The following GPD1L variants were observed in gnomAD, a reference collection of about 807,000 sequenced individuals.
The protein encoded by GPD1L is glycerol-3-phosphate dehydrogenase 1-like protein.
A neutral mutation model predicts 32.9 loss-of-function variants in GPD1L; 17 were observed. That is an observed-to-expected ratio of 0.52 (90% confidence interval 0.35 to 0.78). GPD1L has a LOEUF of 0.78. GPD1L is among the 30% of genes least tolerant of loss of function. The pLI is 0.01. For missense variants in GPD1L, 361 were observed against 447.8 expected (o/e 0.81, Z 1.75); for synonymous variants, 187 against 165.9 (o/e 1.13, Z -0.98).
At chr3:32,139,736 A>C (rs1700712341) in intron 3 of GPD1L, among the ~76,000 whole-genome samples, 1 of 152,256 alleles carries the variant, frequency 6.6e-6, no homozygotes, top group East Asian at 1.9e-4. Flanking sequence ...GTAAGTGAAC[A>C]GAAACGAACC....
intron 5 of GPD1L, among the ~76,000 whole-genome samples, chr3:32,150,519 G>C (rs1380221910): frequency 4.0e-5 from 6 of 148,914 alleles, no homozygotes; most frequent in Non-Finnish European, 1.5e-5. Flanking sequence ...TTTTGAGACA[G>C]AGTCTTGCCC....
At position 32,162,393 on chromosome 3, in the gene GPD1L, T is replaced by TG. The variant is rs1343059802; in HGVS notation, c.959+2719_959+2720insG. Among the ~76,000 whole-genome samples the TG allele has an allele frequency of 2.9e-4, 17 of 57,658 alleles. 4 individuals are homozygous for TG. Among genetic ancestry groups the TG allele is most frequent in the Admixed American group, 1.7e-3 (12 of 7,024 alleles). 37.8% of individuals were successfully genotyped at this position (57,658 alleles called of 152,430 possible). Reference sequence around the variant, plus strand: ...TACCTTAATTACCTTTTCTTTTTTTTTTTGAGACGGAGTCTCGCTCTGTCG... The same window carrying TG: ...TACCTTAATTACCTTTTCTTTTTTTTGTTTGAGACGGAGTCTCGCTCTGTCG... On this transcript the variant is annotated intron_variant, in intron 7 of 7. Coordinates refer to ENST00000282541, the MANE Select transcript of GPD1L (RefSeq NM_015141.4).
intron 7 of GPD1L, among the ~76,000 whole-genome samples, chr3:32,163,687 T>C (rs1479010392): frequency 6.6e-6 from 1 of 152,242 alleles, no homozygotes; most frequent in Non-Finnish European, 1.5e-5. Flanking sequence ...GACAATATTT[T>C]CTACCTCATG....
chr3:32,128,939 G>A (rs1407157677), intron 2 of GPD1L, among the ~76,000 whole-genome samples: 1 of 152,168 alleles, frequency 6.6e-6, no homozygotes, highest in Middle Eastern at 3.2e-3. Context: ...GAAGAAAATG[G>A]GAAAATGTAA....
chr3:32,126,851 T>C (rs1386225283), intron 1 of GPD1L, among the ~76,000 whole-genome samples: 1 of 152,156 alleles, frequency 6.6e-6, no homozygotes, highest in Non-Finnish European at 1.5e-5. Context: ...GCCAGTTCCG[T>C]TGGCCTGGGG....
intron 1 of GPD1L, among the ~76,000 whole-genome samples, chr3:32,123,053 G>A (rs758436433): frequency 5.9e-5 from 9 of 152,000 alleles, no homozygotes; most frequent in Non-Finnish European, 1.2e-4. Context: ...TACAGGTGCA[G>A]CCGCCATGCC....
chr3:32,112,779 C>A (rs1700270881), intron 1 of GPD1L, among the ~76,000 whole-genome samples: 1 of 152,150 alleles, frequency 6.6e-6, no homozygotes, highest in Admixed American at 6.5e-5. Context: ...CCTTAAGAGG[C>A]ATAAATATAA....
At chr3:32,110,294 T>C (rs916707186) in intron 1 of GPD1L, among the ~76,000 whole-genome samples, 1 of 152,242 alleles carries the variant, frequency 6.6e-6, no homozygotes, top group Admixed American at 6.5e-5. Flanking sequence ...TGCTTAATCA[T>C]ATCCCCTGAG....
intron 2 of GPD1L, among the ~76,000 whole-genome samples, chr3:32,131,871 C>T (rs1474070829): frequency 6.6e-6 from 1 of 152,172 alleles, no homozygotes; most frequent in Non-Finnish European, 1.5e-5. Flanking sequence ...GTGAATGTTC[C>T]AGTTTCTTCA....
At chr3:32,122,827 C>T (rs559946150) in intron 1 of GPD1L, among the ~76,000 whole-genome samples, 1 of 152,204 alleles carries the variant, frequency 6.6e-6, no homozygotes, top group South Asian at 2.1e-4. Context: ...ATGCAGGCAG[C>T]ACCCTTATGG....
chr3:32,130,768 T>G (rs540314928), intron 2 of GPD1L, among the ~76,000 whole-genome samples: 2 of 151,740 alleles, frequency 1.3e-5, no homozygotes, highest in Non-Finnish European at 2.9e-5. Context: ...ATCCCAGCAC[T>G]TTGGGAGGCT....
At chr3:32,130,231 G>GCAC (rs1700566107) in intron 2 of GPD1L, among the ~76,000 whole-genome samples, 1 of 152,130 alleles carries the variant, frequency 6.6e-6, no homozygotes, top group Non-Finnish European at 1.5e-5. Flanking sequence ...GTCACTGGGT[G>GCAC]TGGACAGAGG....
At chr3:32,133,159 C>T (rs1199985915) in intron 2 of GPD1L, among the ~76,000 whole-genome samples, 1 of 152,186 alleles carries the variant, frequency 6.6e-6, no homozygotes, top group African/African-American at 2.4e-5. Flanking sequence ...AGCCCGGCCA[C>T]GATGCTCCGT....
At chr3:32,159,508 A>C in intron 6 of GPD1L, 60 bp from the exon 7 acceptor site, 3 of 1,026,328 alleles carry the variant, frequency 2.9e-6, no homozygotes, top group Non-Finnish European at 4.4e-6. Context: ...AATTAAACAA[A>C]TAAATGATTC....
Position 32,168,372 on chromosome 3 carries a change from A to G in GPD1L, c.*2462A>G, listed in dbSNP as rs1701178349. On this transcript the variant is annotated 3_prime_UTR_variant, in exon 8 of 8. Transcript: ENST00000282541. Reference sequence around the variant, plus strand: ...CACCTAGATTAGCAGCTCAATTTGTACTACTTCAGCCAATCTGTGAATGTA... The same window carrying G: ...CACCTAGATTAGCAGCTCAATTTGTGCTACTTCAGCCAATCTGTGAATGTA... 6.5e-6 allele frequency: 1 copy of G among 152,686 alleles called. No homozygotes were observed. Among genetic ancestry groups the G allele is most frequent in the Non-Finnish European group, 1.5e-5 (1 of 68,050 alleles). 9.5% of individuals were successfully genotyped at this position (152,686 alleles called of 1,614,324 possible). A position where few individuals can be genotyped will look rare whatever the true frequency, so the allele number is the denominator to read the frequency against.
In GPD1L at chr3:32,167,805, T is replaced by A. The variant is rs1388014044; in HGVS notation, c.*1895T>A. 1 of 152,220 alleles carries A rather than the reference T, an allele frequency of 6.6e-6. No homozygotes were observed. The highest frequency in any genetic ancestry group is 1.5e-5 in the Non-Finnish European group (1 of 68,034). 9.4% of individuals were successfully genotyped at this position (152,220 alleles called of 1,614,324 possible). A position where few individuals can be genotyped will look rare whatever the true frequency, so the allele number is the denominator to read the frequency against. Reference sequence around the variant, plus strand: ...ATAAAATAGATTTTCATGGGAATTTTAAAAACTCTATCCAAAACATTTTTG... The same window carrying A: ...ATAAAATAGATTTTCATGGGAATTTAAAAAACTCTATCCAAAACATTTTTG... On this transcript the variant is annotated 3_prime_UTR_variant, in exon 8 of 8. Coordinates refer to ENST00000282541, the MANE Select transcript of GPD1L (RefSeq NM_015141.4).
chr3:32,139,578 T>A (rs201569630), intron 3 of GPD1L, among the ~76,000 whole-genome samples: 4 of 152,198 alleles, frequency 2.6e-5, no homozygotes, highest in Non-Finnish European at 5.9e-5. Context: ...AAGGCCCATG[T>A]CGTTGGAAAG....
chr3:32,133,650 A>G (rs1257186601), intron 2 of GPD1L, among the ~76,000 whole-genome samples: 1 of 152,180 alleles, frequency 6.6e-6, no homozygotes, highest in Non-Finnish European at 1.5e-5. Flanking sequence ...TCATGAATGA[A>G]TGGAGAAAGC....
chr3:32,157,169 C>A (rs1701003861), intron 5 of GPD1L, among the ~76,000 whole-genome samples: 1 of 151,484 alleles, frequency 6.6e-6, no homozygotes, highest in Admixed American at 6.6e-5. Flanking sequence ...AGCTCAGATG[C>A]CGCCTCCTCC....
Sources: allele counts gnomAD v4.1 joint callset (sites outside exome capture counted in the v4.1 genomes callset), GRCh38; gene constraint gnomAD v4.1.1; transcripts MANE v1.5; gene names NCBI Gene and HGNC (gene_info 2026-07-23, HGNC 2026-07-21).